The following ADAMTSL3 variants were observed in gnomAD, a reference collection of about 807,000 sequenced individuals.
The protein encoded by ADAMTSL3 is ADAMTS-like protein 3.
A neutral mutation model predicts 201.7 loss-of-function variants in ADAMTSL3; 128 were observed. The ratio of observed to expected loss-of-function variants is 0.63; its 90% CI spans 0.55 to 0.73. ADAMTSL3 has a LOEUF of 0.73. Among genes scored for constraint, ADAMTSL3 ranks in the 30% least tolerant of loss-of-function variants. The pLI, the probability that ADAMTSL3 is intolerant of heterozygous loss-of-function variation, is 0.00. For synonymous variants in ADAMTSL3, 738 were observed against 748.4 expected (o/e 0.99, Z 0.23); for missense variants, 1,990 against 2,119.6 (o/e 0.94, Z 1.20).
intron 6 of ADAMTSL3, among the ~76,000 whole-genome samples, chr15:83,831,157 T>C (rs1596289632): frequency 6.6e-6 from 1 of 152,310 alleles, no homozygotes; most frequent in African/African-American, 2.4e-5. Flanking sequence ...CTTGTCTATC[T>C]CTATGTTTTC....
At chr15:83,942,488 G>A (rs994284457) in intron 17 of ADAMTSL3, 108 bp from the exon 18 acceptor site, 8 of 940,028 alleles carry the variant, frequency 8.5e-6, no homozygotes, top group Middle Eastern at 3.4e-4. Context: ...CTGTATACAG[G>A]GTGTGAAGTC....
At chr15:83,897,813 G>C (rs765650321) in intron 13 of ADAMTSL3, 45 bp from the exon 14 acceptor site, 12 of 1,531,770 alleles carry the variant, frequency 7.8e-6, no homozygotes, top group Non-Finnish European at 2.6e-6. Context: ...TGCCTTTGTG[G>C]TTCTCTTAAA....
At chr15:83,891,223 A>G (rs556365467) in intron 11 of ADAMTSL3, 106 bp from the exon 12 acceptor site, 2 of 998,438 alleles carry the variant, frequency 2.0e-6, no homozygotes, top group African/African-American at 1.6e-5. Context: ...TTAGTTTCCA[A>G]TTTGGAAGAG....
At position 83,856,490 on chromosome 15, in the gene ADAMTSL3, T is replaced by A. The variant is rs183273931; in HGVS notation, c.728-2276T>A. ...CCATGCCTGGCCCCCTCCTTTTTTTTAAAAAAAGCTAAATAAGAATCCATT... is the reference window on the plus strand; with the variant it reads ...CCATGCCTGGCCCCCTCCTTTTTTTAAAAAAAAGCTAAATAAGAATCCATT... On this transcript the variant is annotated intron_variant, in intron 7 of 29. Coordinates refer to ENST00000286744, the MANE Select transcript of ADAMTSL3 (RefSeq NM_207517.3). 3.1e-3 allele frequency among the ~76,000 whole-genome samples: 468 copies of A among 152,018 alleles called. 1 individual carries two copies. The highest frequency in any genetic ancestry group is 5.4e-3 in the African/African-American group (224 of 41,468).
chr15:83,881,067 T>G (rs1033680177), intron 9 of ADAMTSL3, among the ~76,000 whole-genome samples: 1 of 152,204 alleles, frequency 6.6e-6, no homozygotes, highest in African/African-American at 2.4e-5. Context: ...CTTTAAAAAT[T>G]ATTATCGGAT....
chr15:83,928,807 A>G (rs2066295382), intron 17 of ADAMTSL3, among the ~76,000 whole-genome samples: 2 of 152,254 alleles, frequency 1.3e-5, no homozygotes, highest in Admixed American at 1.3e-4. Context: ...TAAATTTTCA[A>G]GACTAAATCA....
At chr15:83,727,660 T>C (rs1259509873) in intron 3 of ADAMTSL3, among the ~76,000 whole-genome samples, 1 of 152,066 alleles carries the variant, frequency 6.6e-6, no homozygotes, top group Non-Finnish European at 1.5e-5. Context: ...AATTTCCATG[T>C]GTTTGCATAG....
chr15:83,956,154 A>T (rs1167125144), intron 19 of ADAMTSL3, among the ~76,000 whole-genome samples: 2 of 152,134 alleles, frequency 1.3e-5, no homozygotes, highest in Admixed American at 6.5e-5. Context: ...TGTGGGTATC[A>T]GCTGAGTTCA....
intron 5 of ADAMTSL3, among the ~76,000 whole-genome samples, chr15:83,808,627 T>C (rs2063641555): frequency 6.6e-6 from 1 of 152,196 alleles, no homozygotes; most frequent in East Asian, 1.9e-4. Context: ...CATTACTGAT[T>C]ATATATTCAG....
chr15:83,880,813 C>A (rs137922209), intron 9 of ADAMTSL3, among the ~76,000 whole-genome samples: 32 of 152,278 alleles, frequency 2.1e-4, no homozygotes, highest in African/African-American at 7.7e-4. Context: ...GAAGCCAAGG[C>A]CAGGGTTGCA....
In ADAMTSL3 at chr15:84,015,151, G is replaced by A. The variant is rs527645499; in HGVS notation, c.4156+427G>A. On this transcript the variant is annotated intron_variant, in intron 24 of 29. Coordinates refer to ENST00000286744, the MANE Select transcript of ADAMTSL3 (RefSeq NM_207517.3). ...AGTAGAGATGGGGTTTCACCATGTT[G>A]GCCAGGATGGTCTCAATCTCTTGAC... Among the ~76,000 whole-genome samples the A allele has an allele frequency of 7.9e-5, 12 of 152,144 alleles. No individual in the cohort carries two copies. The South Asian group carries it at 8.3e-4, about 11-fold the overall frequency.
chr15:83,773,481 T>C (rs778151083), intron 3 of ADAMTSL3, 42 bp from the exon 4 acceptor site: 9 of 1,603,288 alleles, frequency 5.6e-6, no homozygotes, highest in South Asian at 2.2e-5. Context: ...CTATACTTTA[T>C]TGTGTGGTTT....
intron 6 of ADAMTSL3, among the ~76,000 whole-genome samples, chr15:83,837,712 G>C (rs1173962052): frequency 1.3e-5 from 2 of 151,464 alleles, no homozygotes; most frequent in African/African-American, 2.4e-5. Context: ...TGAGGTGGGA[G>C]GATCACTTGA....
chr15:83,992,036 A>G (rs1367007858), intron 23 of ADAMTSL3, among the ~76,000 whole-genome samples: 1 of 152,148 alleles, frequency 6.6e-6, no homozygotes, highest in Non-Finnish European at 1.5e-5. Context: ...CTCTTTTAAG[A>G]TGACTTTGCG....
chr15:83,848,823 C>T (rs2064552946), intron 7 of ADAMTSL3, among the ~76,000 whole-genome samples: 1 of 152,216 alleles, frequency 6.6e-6, no homozygotes, highest in South Asian at 2.1e-4. Flanking sequence ...AAGTGCTCAA[C>T]ATGGTTTTAA....
chr15:83,686,154 A>T (rs1010735477), intron 2 of ADAMTSL3, among the ~76,000 whole-genome samples: 5 of 152,212 alleles, frequency 3.3e-5, no homozygotes, highest in African/African-American at 1.2e-4. Flanking sequence ...CTGAACACTT[A>T]AAGACGCTTT....
intron 20 of ADAMTSL3, among the ~76,000 whole-genome samples, chr15:83,977,738 C>T (rs1386551778): frequency 1.3e-5 from 2 of 152,180 alleles, no homozygotes; most frequent in African/African-American, 4.8e-5. Flanking sequence ...GTTGTCTCTT[C>T]CAAGTAACAT....
At chr15:83,961,845 A>G (rs576591081) in intron 19 of ADAMTSL3, 1 of 152,392 alleles carries the variant, frequency 6.6e-6, no homozygotes, top group African/African-American at 2.4e-5. Context: ...ATTAAGACTA[A>G]TCAACTAACA....
intron 3 of ADAMTSL3, among the ~76,000 whole-genome samples, chr15:83,772,663 T>C (rs2141749279): frequency 6.6e-6 from 1 of 152,142 alleles, no homozygotes; most frequent in African/African-American, 2.4e-5. Flanking sequence ...ACCGCCAGTC[T>C]GCCTGACACA....
Sources: gnomAD v4.1 joint callset for allele counts (sites outside exome capture counted in the v4.1 genomes callset) on GRCh38, gnomAD v4.1.1 for gene constraint, MANE v1.5 for transcripts, NCBI Gene and HGNC (gene_info 2026-07-23, HGNC 2026-07-21) for gene names.